The following TAFA2 variants were observed in gnomAD, a reference collection of about 807,000 sequenced individuals.
The protein encoded by TAFA2 is chemokine-like protein TAFA-2.
TAFA2 carries 7 observed loss-of-function variants against 18.8 expected under a neutral mutation model. The observed-to-expected ratio is 0.37, with a 90% CI of 0.21 to 0.70. TAFA2 has a LOEUF of 0.70. Ranked by LOEUF, TAFA2 falls within the 30% of genes least tolerant of loss-of-function variation. The pLI, the probability that TAFA2 is intolerant of heterozygous loss-of-function variation, is 0.53. For synonymous variants in TAFA2, 60 were observed against 54.2 expected (o/e 1.11, Z -0.47); for missense variants, 122 against 158.1 (o/e 0.77, Z 1.23).
chr12:62,017,628 G>A (rs1296522734), intron 1 of TAFA2, among the ~76,000 whole-genome samples: 1 of 152,114 alleles, frequency 6.6e-6, no homozygotes, highest in African/African-American at 2.4e-5. Context: ...CTCCACCACT[G>A]TTTTGAACTG....
intron 2 of TAFA2, among the ~76,000 whole-genome samples, chr12:61,804,548 T>C (rs951429173): frequency 1.3e-5 from 2 of 152,026 alleles, no homozygotes; most frequent in African/African-American, 4.8e-5. Context: ...AAGCAGACAA[T>C]TGAGTTAGGA....
chr12:61,993,702 C>A (rs1880087071), intron 1 of TAFA2, among the ~76,000 whole-genome samples: 1 of 152,132 alleles, frequency 6.6e-6, no homozygotes, highest in African/African-American at 2.4e-5. Flanking sequence ...CCCTAATTTT[C>A]CTCATGGTGT....
intron 2 of TAFA2, among the ~76,000 whole-genome samples, chr12:61,865,975 ACTT>A (rs1387317558): frequency 6.6e-6 from 1 of 152,222 alleles, no homozygotes; most frequent in Non-Finnish European, 1.5e-5. Flanking sequence ...ATTTAATACT[ACTT>A]CGTTCTTTGG....
chr12:62,174,152 T>C (rs1211191115), intron 1 of TAFA2, among the ~76,000 whole-genome samples: 1 of 151,920 alleles, frequency 6.6e-6, no homozygotes, highest in Non-Finnish European at 1.5e-5. Context: ...AATTAGCCGG[T>C]GTGGTGGCGC....
intron 1 of TAFA2, chr12:61,879,518 T>C: frequency 2.8e-6 from 2 of 710,812 alleles, no homozygotes; most frequent in African/African-American, 1.7e-5. Context: ...ACTGCTGTCA[T>C]GGTCAACCAG....
chr12:61,855,779 T>G (rs184677293), intron 2 of TAFA2, among the ~76,000 whole-genome samples: 89 of 152,168 alleles, frequency 5.8e-4, no homozygotes, highest in African/African-American at 2.1e-3. Flanking sequence ...GAGAGTCAAC[T>G]TAATATATGA....
intron 1 of TAFA2, among the ~76,000 whole-genome samples, chr12:62,156,320 T>C (rs2062369282): frequency 6.6e-6 from 1 of 152,122 alleles, no homozygotes; most frequent in African/African-American, 2.4e-5. Flanking sequence ...GATGCCGTGA[T>C]CAGTGAACAC....
intron 1 of TAFA2, among the ~76,000 whole-genome samples, chr12:62,175,340 G>A (rs4456314): frequency 0.022 from 3,392 of 152,086 alleles, 143 homozygotes; most frequent in African/African-American, 0.076. Context: ...ACTTCTCTGG[G>A]CCTTGGGACC....
intron 2 of TAFA2, among the ~76,000 whole-genome samples, chr12:61,826,962 G>A (rs558801220): frequency 6.6e-6 from 1 of 152,016 alleles, no homozygotes; most frequent in Non-Finnish European, 1.5e-5. Context: ...AAGGACTGCA[G>A]GTTGTTCTCT....
intron 4 of TAFA2, among the ~76,000 whole-genome samples, chr12:61,715,802 C>T (rs1206314279): frequency 6.6e-6 from 1 of 151,706 alleles, no homozygotes; most frequent in African/African-American, 2.4e-5. Flanking sequence ...ACCTCTAGTC[C>T]CAGCTACTCA....
chr12:61,730,739 C>T (rs1353315894), intron 4 of TAFA2, among the ~76,000 whole-genome samples: 6 of 152,122 alleles, frequency 3.9e-5, no homozygotes, highest in Admixed American at 1.3e-4. Flanking sequence ...AGTCAACAGG[C>T]CAGTCTCATT....
intron 1 of TAFA2, among the ~76,000 whole-genome samples, chr12:62,018,341 G>T (rs1881006585): frequency 6.6e-6 from 1 of 152,136 alleles, no homozygotes; most frequent in South Asian, 2.1e-4. Flanking sequence ...TTCCAGGAAA[G>T]AATAGCAATC....
At chr12:62,099,564 A>G (rs1438059665) in intron 1 of TAFA2, among the ~76,000 whole-genome samples, 1 of 152,214 alleles carries the variant, frequency 6.6e-6, no homozygotes, top group Non-Finnish European at 1.5e-5. Flanking sequence ...CCATTTATGC[A>G]TAGGATGTGC....
intron 1 of TAFA2, among the ~76,000 whole-genome samples, chr12:61,994,928 A>C (rs1321590208): frequency 1.3e-5 from 2 of 152,162 alleles, no homozygotes; most frequent in Non-Finnish European, 2.9e-5. Flanking sequence ...CTGCATTTGC[A>C]CTGACACCAT....
At chr12:61,990,616 G>A (rs1450500999) in intron 1 of TAFA2, among the ~76,000 whole-genome samples, 2 of 46,526 alleles carry the variant, frequency 4.3e-5, no homozygotes, top group Non-Finnish European at 1.1e-4. Flanking sequence ...TGGGATTACA[G>A]GCATGAGCGC....
intron 1 of TAFA2, among the ~76,000 whole-genome samples, chr12:62,239,971 C>T (rs2062854697): frequency 6.6e-6 from 1 of 151,958 alleles, no homozygotes; most frequent in Non-Finnish European, 1.5e-5. Context: ...CTTCTCTCAA[C>T]ATTACTAAAG....
At chr12:61,936,696 A>G (rs1159011086) in intron 1 of TAFA2, among the ~76,000 whole-genome samples, 1 of 152,188 alleles carries the variant, frequency 6.6e-6, no homozygotes, top group African/African-American at 2.4e-5. Flanking sequence ...CCTATATGAA[A>G]ATCCACAGCC....
At chr12:62,211,516 G>C (rs528025450) in intron 1 of TAFA2, among the ~76,000 whole-genome samples, 15 of 151,796 alleles carry the variant, frequency 9.9e-5, no homozygotes, top group African/African-American at 2.7e-4. Flanking sequence ...GGAGGCGGAG[G>C]TTGCAGTGAG....
intron 1 of TAFA2, among the ~76,000 whole-genome samples, chr12:62,225,579 C>T (rs1250701659): frequency 6.6e-6 from 1 of 151,682 alleles, no homozygotes; most frequent in African/African-American, 2.4e-5. Flanking sequence ...AAAGCTATTG[C>T]AACATACAAA....
Sources: allele counts gnomAD v4.1 joint callset (sites outside exome capture counted in the v4.1 genomes callset), GRCh38; gene constraint gnomAD v4.1.1; transcripts MANE v1.5; gene names NCBI Gene and HGNC (gene_info 2026-07-23, HGNC 2026-07-21).